The following KRT72 variants were observed in gnomAD, a reference collection of about 807,000 sequenced individuals.
The protein encoded by KRT72 is keratin 72.
A neutral mutation model predicts 44.7 loss-of-function variants in KRT72; 44 were observed. The ratio of observed to expected loss-of-function variants is 0.98; its 90% confidence interval spans 0.77 to 1.27. The LOEUF (loss-of-function observed/expected upper bound fraction) is 1.27. Among genes scored for constraint, KRT72 ranks in the 50% most tolerant of loss-of-function variants. KRT72 has a pLI of 0.00. For synonymous variants in KRT72, 302 were observed against 280.4 expected (o/e 1.08, Z -0.77); for missense variants, 736 against 667.1 (o/e 1.10, Z -1.14).
rs1294467454 is a variant in KRT72, at chr12:52,598,884, T to C, written c.641+14A>G. 1 of 1,612,152 alleles carries C rather than the reference T, an allele frequency of 6.2e-7. No individual in the cohort carries two copies. Among genetic ancestry groups the C allele is most frequent in the African/African-American group, 1.3e-5 (1 of 74,928 alleles). On this transcript the variant is annotated intron_variant, in intron 2 of 8. Coordinates refer to ENST00000293745, the MANE Select transcript of KRT72 (RefSeq NM_080747.3). ...TCAGATCCTCCAGGGCCATATTCCC[T>C]GCCACTCACTCACCTCTTCTTGTAG...
At chr12:52,594,257 G>A (rs372128987) in intron 2 of KRT72, among the ~76,000 whole-genome samples, 110 of 152,232 alleles carry the variant, frequency 7.2e-4, no homozygotes, top group African/African-American at 2.5e-3. Flanking sequence ...TCCCATTACC[G>A]GGTATATACT....
In KRT72 at chr12:52,601,420, C is replaced by T. The variant is rs1940454937; in HGVS notation, c.33G>A (p.Gly11=). The change falls in exon 1 of 9, where the codon GGG becomes GGA. Residue 11 remains glycine (G), a synonymous_variant. Coordinates refer to ENST00000293745, the MANE Select transcript of KRT72 (RefSeq NM_080747.3). Reference sequence around the variant, plus strand: ...AGCAACCGCTGAAGCCCAGGCGCTCCCCGCGGGGGAAATGGGTCAGTTGGC... The same window carrying T: ...AGCAACCGCTGAAGCCCAGGCGCTCTCCGCGGGGGAAATGGGTCAGTTGGC... MSRQLTHFPR[G]ERLGFSGCSA... 5 of 1,539,528 alleles carry T rather than the reference C, an allele frequency of 3.2e-6. No homozygotes were observed. The highest frequency in any genetic ancestry group is 3.5e-6 in the Non-Finnish European group (4 of 1,147,252).
intron 6 of KRT72, among the ~76,000 whole-genome samples, chr12:52,588,887 C>A (rs1418681861): frequency 3.9e-5 from 6 of 151,994 alleles, no homozygotes; most frequent in Non-Finnish European, 7.4e-5. Flanking sequence ...GTGGTCCCAG[C>A]TACTCGAGAG....
At position 52,601,445 on chromosome 12, in the gene KRT72, C is replaced by T. The variant is rs868173969; in HGVS notation, c.8G>A (p.Arg3His). MS[R>H]QLTHFPRGER... The stretch of plus-strand genomic sequence containing the variant: ...CCCGCGGGGGAAATGGGTCAGTTGG[C>T]GGCTCATGGCTCGCAAGTACCGGTG... The change falls in exon 1 of 9, where the codon CGC (arginine) becomes CAC (histidine). Residue 3 changes from arginine (R) to histidine (H), a missense_variant. By Grantham distance (29) the Arg-to-His change is conservative. Coordinates refer to ENST00000293745, the MANE Select transcript of KRT72 (RefSeq NM_080747.3). 3 of 1,536,260 alleles carry T rather than the reference C, an allele frequency of 2.0e-6. No individual in the cohort carries two copies. Among genetic ancestry groups the T allele is most frequent in the East Asian group, 2.4e-5 (1 of 40,890 alleles).
At chr12:52,592,785 C>T in intron 3 of KRT72, 107 bp downstream of exon 3, 3 of 938,214 alleles carry the variant, frequency 3.2e-6, no homozygotes, top group Non-Finnish European at 5.0e-6. Context: ...GTCACCCCTG[C>T]CCAAGGGACT....
At chr12:52,589,053 T>C (rs1256184795) in intron 6 of KRT72, among the ~76,000 whole-genome samples, 3 of 152,126 alleles carry the variant, frequency 2.0e-5, no homozygotes, top group African/African-American at 7.2e-5. Flanking sequence ...TAGCTTTGCA[T>C]AACTGCAGCT....
chr12:52,588,938 T>G (rs1939889424), intron 6 of KRT72, among the ~76,000 whole-genome samples: 1 of 151,964 alleles, frequency 6.6e-6, no homozygotes. Flanking sequence ...AGACAGAGGT[T>G]GCAGTGAGCC....
At chr12:52,586,221 G>A (rs370260895) in intron 8 of KRT72, 49 bp from the exon 9 acceptor site, 14 of 1,532,552 alleles carry the variant, frequency 9.1e-6, no homozygotes, top group South Asian at 4.8e-5. Flanking sequence ...CTAGCCCCAC[G>A]TCAGAGCCCC....
Position 52,586,930 on chromosome 12 carries a change from A to T in KRT72, c.1345+16T>A. ...TAAGGTGACCAAGGGCAGAACTGAGATCTGCAGATACTTACAGATGCTCAC... is the reference window on the plus strand; with the variant it reads ...TAAGGTGACCAAGGGCAGAACTGAGTTCTGCAGATACTTACAGATGCTCAC... On this transcript the variant is annotated intron_variant, in intron 8 of 8. Transcript: ENST00000293745. The T allele has an allele frequency of 1.2e-6, 2 of 1,610,806 alleles. No homozygotes were observed. Among genetic ancestry groups the T allele is most frequent in the Non-Finnish European group, 1.7e-6 (2 of 1,176,956 alleles).
chr12:52,588,416 C>T (rs677089), intron 6 of KRT72, among the ~76,000 whole-genome samples: 6,016 of 152,206 alleles, frequency 0.04, 151 homozygotes, highest in African/African-American at 0.073. Context: ...AACCAAACAC[C>T]GCATGTTCTC....
chr12:52,592,044 C>T (rs34995449), intron 4 of KRT72, among the ~76,000 whole-genome samples: 32,446 of 152,036 alleles, frequency 0.21, 3,921 homozygotes, highest in South Asian at 0.34. Context: ...ATTTTTCTGC[C>T]CCCCTCAGCA....
chr12:52,590,547 T>C (rs1378944583), intron 6 of KRT72, among the ~76,000 whole-genome samples: 1 of 152,136 alleles, frequency 6.6e-6, no homozygotes, highest in East Asian at 1.9e-4. Flanking sequence ...CCTAGGCCCA[T>C]TGCTCCTGCG....
At chr12:52,591,784 G>A (rs909248296) in intron 4 of KRT72, among the ~76,000 whole-genome samples, 156 bp from the exon 5 acceptor site, 21 of 152,136 alleles carry the variant, frequency 1.4e-4, no homozygotes, top group African/African-American at 5.1e-4. Flanking sequence ...GTGAAGAAGT[G>A]CCTTAGGCTT....
At chr12:52,599,152 T>C in intron 1 of KRT72, 40 bp from the exon 2 acceptor site, 1 of 1,602,546 alleles carries the variant, frequency 6.2e-7, no homozygotes. Context: ...GTCCCCATGT[T>C]GTTGCCTCTC....
intron 7 of KRT72, 56 bp downstream of exon 7, chr12:52,587,575 T>G (rs1216223256): frequency 1.9e-6 from 3 of 1,582,190 alleles, no homozygotes; most frequent in Non-Finnish European, 2.6e-6. Context: ...GCCTTGGAGC[T>G]TCCTACCAAA....
intron 3 of KRT72, 119 bp from the exon 4 acceptor site, chr12:52,592,610 C>G: frequency 1.4e-6 from 1 of 733,382 alleles, no homozygotes. Context: ...TGGGGGGCTC[C>G]CTGAGAGTCC....
intron 2 of KRT72, among the ~76,000 whole-genome samples, chr12:52,596,248 A>G (rs949406852): frequency 6.6e-6 from 1 of 152,206 alleles, no homozygotes; most frequent in Non-Finnish European, 1.5e-5. Context: ...AACTCCTTCC[A>G]TTAAAATCTA....
At chr12:52,599,435 G>A (rs1230383337) in intron 1 of KRT72, 2 of 477,120 alleles carry the variant, frequency 4.2e-6, no homozygotes, top group Admixed American at 4.6e-5. Flanking sequence ...TGGGGAGCAG[G>A]GGAGAAACAG....
chr12:52,591,507 G>A lies in KRT72; in HGVS notation c.920C>T (p.Ala307Val), dbSNP rs777247704. Residue 307 changes from alanine to valine, a missense_variant, in exon 5 of 9, where the codon GCC becomes GTC. Transcript: ENST00000293745. ...CTCAGCCTCGGCCTTGCTCTTTAGG[G>A]CAATCTCCTCGTACTGGGCACGGAC... is the stretch of plus-strand genomic sequence containing the variant. Reference protein sequence around the residue: ...AEVRAQYEEIALKSKAEAETL... With the variant: ...AEVRAQYEEIVLKSKAEAETL... 5 of 1,613,990 alleles carry A rather than the reference G, an allele frequency of 3.1e-6. No individual in the cohort carries two copies. In the African/African-American group the frequency reaches 6.7e-5, roughly 22 times the overall value.
Sources: gnomAD v4.1 joint callset for allele counts (sites outside exome capture counted in the v4.1 genomes callset) on GRCh38, gnomAD v4.1.1 for gene constraint, MANE v1.5 for transcripts, NCBI Gene and HGNC (gene_info 2026-07-23, HGNC 2026-07-21) for gene names.